Variants in NKAPD1 observed in about 807,000 individuals in gnomAD.
NKAPD1 encodes uncharacterized protein NKAPD1.
NKAPD1 carries 12 observed loss-of-function variants against 30.9 expected under a neutral mutation model. That is an observed-to-expected ratio of 0.39 (90% CI 0.25 to 0.63). The LOEUF is 0.63. Among genes scored for constraint, NKAPD1 ranks in the 20% least tolerant of loss-of-function variants. The pLI is 0.51. For missense variants in NKAPD1, 311 were observed against 344.5 expected (o/e 0.90, Z 0.77); for synonymous variants, 91 against 113.6 (o/e 0.80, Z 1.26).
In NKAPD1 at chr11:112,075,218, G is replaced by A. The variant is rs72991495; in HGVS notation, c.-9+302G>A. Among the ~76,000 whole-genome samples the A allele has an allele frequency of 5.8e-3, 881 of 152,328 alleles. 5 individuals are homozygous for A. Among genetic ancestry groups the A allele is most frequent in the South Asian group, 0.013 (65 of 4,828 alleles). On this transcript the variant is annotated intron_variant, in intron 1 of 5. Coordinates refer to ENST00000393047, the MANE Select transcript of NKAPD1 (RefSeq NM_018195.4). Reference sequence around the variant, plus strand: ...ATTTGCCTGGGACTATGTGGCTTGGGACGTTACAGCTTTAAGGGAACTTCA... The same window carrying A: ...ATTTGCCTGGGACTATGTGGCTTGGAACGTTACAGCTTTAAGGGAACTTCA...
chr11:112,077,305 G>T (rs111798527), intron 2 of NKAPD1, among the ~76,000 whole-genome samples: 1,744 of 152,312 alleles, frequency 0.011, 18 homozygotes, highest in Non-Finnish European at 0.019. Context: ...ATGAAATTAT[G>T]CAGGAAGACT....
chr11:112,074,329 AC>A lies in NKAPD1; in HGVS notation c.-590del. On this transcript the variant is annotated 5_prime_UTR_variant, in exon 1 of 6. Coordinates refer to ENST00000393047, the MANE Select transcript of NKAPD1 (RefSeq NM_018195.4). ...TCTCCCAAACCACTTCTTCCCCCCT[AC>A]CCCCCGCCACGCGAGGCTGCGGCGC... 1 of 396,972 alleles carries A rather than the reference AC, an allele frequency of 2.5e-6. No homozygotes were observed. The highest frequency in any genetic ancestry group is 4.4e-6 in the Non-Finnish European group (1 of 225,742). 24.6% of individuals were successfully genotyped at this position (396,972 alleles called of 1,614,324 possible).
At chr11:112,076,259 G>C (rs1487791825) in intron 2 of NKAPD1, among the ~76,000 whole-genome samples, 1 of 152,192 alleles carries the variant, frequency 6.6e-6, no homozygotes, top group Non-Finnish European at 1.5e-5. Flanking sequence ...GGTAGGGAAT[G>C]AATCAGATGG....
At chr11:112,080,185 G>C (rs1228058739) in intron 3 of NKAPD1, among the ~76,000 whole-genome samples, 3 of 151,952 alleles carry the variant, frequency 2.0e-5, no homozygotes, top group African/African-American at 7.3e-5. Context: ...TGGGATTACA[G>C]GCATGAGCTA....
Position 112,081,982 on chromosome 11 carries a change from A to G in NKAPD1, c.321A>G (p.Arg107=), listed in dbSNP as rs765429663. Reference sequence around the variant, plus strand: ...ATACATGTGATGTGTCATATTACAGATGGGGTCACAGTGGTTATAAAGAGT... The same window carrying G: ...ATACATGTGATGTGTCATATTACAGGTGGGGTCACAGTGGTTATAAAGAGT... The part of the protein sequence containing the change: ...FYDYEANMPD[R]WGHSGYKELY... The change falls in exon 5 of 6, where the codon AGA becomes AGG. Residue 107 remains arginine (R), a splice_region_variant and synonymous_variant. Coordinates refer to ENST00000393047, the MANE Select transcript of NKAPD1 (RefSeq NM_018195.4). 6.2e-6 allele frequency: 10 copies of G among 1,612,206 alleles called. No individual in the cohort carries two copies. In the African/African-American group the frequency reaches 1.2e-4, roughly 19 times the overall value.
chr11:112,080,351 ATAAAG>A, intron 3 of NKAPD1, 53 bp from the exon 4 acceptor site: 1 of 1,580,350 alleles, frequency 6.3e-7, no homozygotes, highest in African/African-American at 1.4e-5. Flanking sequence ...ATGATGTTCC[ATAAAG>A]TAAACTCACA....
intron 3 of NKAPD1, among the ~76,000 whole-genome samples, chr11:112,079,975 A>G (rs1434201588): frequency 6.6e-6 from 1 of 151,814 alleles, no homozygotes; most frequent in Non-Finnish European, 1.5e-5. Context: ...ACCACACCTA[A>G]CTACTTTTTT....
chr11:112,075,823 A>T lies in NKAPD1; in HGVS notation c.69+180A>T, dbSNP rs992985034. 7 of 627,748 alleles carry T rather than the reference A, an allele frequency of 1.1e-5. No homozygotes were observed. In the African/African-American group the frequency reaches 1.2e-4, roughly 10 times the overall value. 38.9% of individuals were successfully genotyped at this position (627,748 alleles called of 1,614,324 possible). Reference sequence around the variant, plus strand: ...TAGATAATTATAATACAGTTTGATAAGTACTGTATAACAGAGATATTTGCA... The same window carrying T: ...TAGATAATTATAATACAGTTTGATATGTACTGTATAACAGAGATATTTGCA... On this transcript the variant is annotated intron_variant, in intron 2 of 5. Coordinates refer to ENST00000393047, the MANE Select transcript of NKAPD1 (RefSeq NM_018195.4).
intron 3 of NKAPD1, 33 bp downstream of exon 3, chr11:112,078,348 C>A (rs571827345): frequency 2.7e-6 from 4 of 1,492,160 alleles, no homozygotes; most frequent in Admixed American, 3.5e-5. Context: ...TAAAATAATT[C>A]TCATCTTTTT....
rs1303264232 is a variant in NKAPD1 at position 112,084,023 on chromosome 11, G to C, written c.*1051G>C. The C allele has an allele frequency of 6.6e-6, 1 of 152,628 alleles. No individual in the cohort carries two copies. Among genetic ancestry groups the C allele is most frequent in the African/African-American group, 2.4e-5 (1 of 41,450 alleles). The allele number at this position is 152,628 out of a possible 1,614,324, so 9.5% of individuals were successfully genotyped here. A position where few individuals can be genotyped will look rare whatever the true frequency, so the allele number is the denominator to read the frequency against. Reference sequence around the variant, plus strand: ...TTAAGAAACCAACATATCACTGAAAGAAGGCTGGCAGAACGCAAGTGCATT... The same window carrying C: ...TTAAGAAACCAACATATCACTGAAACAAGGCTGGCAGAACGCAAGTGCATT... On this transcript the variant is annotated 3_prime_UTR_variant, in exon 6 of 6. Coordinates refer to ENST00000393047, the MANE Select transcript of NKAPD1 (RefSeq NM_018195.4).
At chr11:112,078,706 T>C (rs183677172) in intron 3 of NKAPD1, among the ~76,000 whole-genome samples, 1 of 152,300 alleles carries the variant, frequency 6.6e-6, no homozygotes. Context: ...TGCAGGTGCA[T>C]GCCACTATGC....
Position 112,079,187 on chromosome 11 carries a change from C to T in NKAPD1, c.170+872C>T, listed in dbSNP as rs559764546. Among the ~76,000 whole-genome samples, 8 of 144,096 alleles carry T rather than the reference C, an allele frequency of 5.6e-5. No individual in the cohort carries two copies. In the East Asian group the frequency reaches 1.2e-3, roughly 22 times the overall value. The allele number at this position is 144,096 out of a possible 152,430, so 94.5% of individuals were successfully genotyped here. On this transcript the variant is annotated intron_variant, in intron 3 of 5. Transcript: ENST00000393047. ...TGAGATGGAGTTTCGCTTTTGTTAC[C>T]CAGGCTGGAGTGCAATGGTGTGGTC...
At chr11:112,080,805 A>G in intron 4 of NKAPD1, 1 of 441,500 alleles carries the variant, frequency 2.3e-6, no homozygotes, top group Non-Finnish European at 4.0e-6. Context: ...ACATGTTACA[A>G]CGTGGCCTTG....
intron 4 of NKAPD1, chr11:112,081,320 G>A (rs372034298): frequency 2.0e-5 from 3 of 147,462 alleles, no homozygotes; most frequent in East Asian, 4.1e-4. Flanking sequence ...GTGAGACTCT[G>A]TCTCAAGAAA....
In NKAPD1 at chr11:112,083,199, A is replaced by AT. The variant is rs1238353082; in HGVS notation, c.*236dup. 6.1e-4 allele frequency: 62 copies of AT among 102,366 alleles called. No individual in the cohort carries two copies. Among genetic ancestry groups the AT allele is most frequent in the Middle Eastern group, 3.2e-3 (1 of 314 alleles). 6.3% of individuals were successfully genotyped at this position (102,366 alleles called of 1,614,324 possible). A position where few individuals can be genotyped will look rare whatever the true frequency, so the allele number is the denominator to read the frequency against. On this transcript the variant is annotated 3_prime_UTR_variant, in exon 6 of 6. Transcript: ENST00000393047. ...GTTATGAAGGTTTCTTGAAGAGATT[A>AT]TTTTTTTTTGCAATTAATTACGTTT... is the stretch of plus-strand genomic sequence containing the variant.
At chr11:112,076,931 GA>G (rs767210470) in intron 2 of NKAPD1, among the ~76,000 whole-genome samples, 4 of 152,208 alleles carry the variant, frequency 2.6e-5, no homozygotes, top group Non-Finnish European at 5.9e-5. Context: ...GTGCTTATAG[GA>G]TGTCCAAGCA....
chr11:112,080,461 C>A lies in NKAPD1; in HGVS notation c.223C>A (p.Pro75Thr), dbSNP rs1459201565. Residue 75 changes from proline to threonine, a missense_variant, in exon 4 of 6, where the codon CCA (proline) becomes ACA (threonine). Physicochemically the swap from Pro to Thr is conservative, Grantham distance 38. Transcript: ENST00000393047. ...DEESQRYYWR[P>T]KNEISGTLED... ...AGAAAGTCAAAGATACTATTGGAGG[C>A]CAAAGAATGAAATTTCTGGGACACT... The A allele has an allele frequency of 6.2e-7, 1 of 1,613,728 alleles. No homozygotes were observed. Among genetic ancestry groups the A allele is most frequent in the Non-Finnish European group, 8.5e-7 (1 of 1,179,978 alleles).
chr11:112,082,068 G>A, intron 5 of NKAPD1, 33 bp downstream of exon 5: 2 of 1,525,848 alleles, frequency 1.3e-6, no homozygotes, highest in Non-Finnish European at 1.8e-6. Flanking sequence ...AAGAAACTAA[G>A]ATGGTACAAA....
chr11:112,085,095 G>T lies in NKAPD1; in HGVS notation c.*2123G>T. 1 of 445,356 alleles carries T rather than the reference G, an allele frequency of 2.2e-6. No homozygotes were observed. Among genetic ancestry groups the T allele is most frequent in the Non-Finnish European group, 4.0e-6 (1 of 250,464 alleles). 27.6% of individuals were successfully genotyped at this position (445,356 alleles called of 1,614,324 possible). ...GAGAATTCACACTTATTGAGTAACT[G>T]ATGTCATACAACCTGGAATTTCTGA... On this transcript the variant is annotated 3_prime_UTR_variant, in exon 6 of 6. Transcript: ENST00000393047.
Sources: gnomAD v4.1 joint callset for allele counts (sites outside exome capture counted in the v4.1 genomes callset) on GRCh38, gnomAD v4.1.1 for gene constraint, MANE v1.5 for transcripts, NCBI Gene and HGNC (gene_info 2026-07-23, HGNC 2026-07-21) for gene names.